Variants in L3MBTL2 observed in about 807,000 individuals in gnomAD.
The protein encoded by L3MBTL2 is lethal(3)malignant brain tumor-like protein 2.
Under a neutral mutation model 86.4 loss-of-function variants are expected in L3MBTL2, and 49 were observed. The ratio of observed to expected loss-of-function variants is 0.57; its 90% CI spans 0.45 to 0.72. The LOEUF is 0.72. L3MBTL2 is among the 30% of genes least tolerant of loss of function. L3MBTL2 has a pLI of 0.00. For missense variants in L3MBTL2, 755 were observed against 923.7 expected (o/e 0.82, Z 2.37); for synonymous variants, 336 against 350.6 (o/e 0.96, Z 0.47).
At position 41,217,154 on chromosome 22, in the gene L3MBTL2, C is replaced by A; in HGVS notation, c.552C>A (p.Phe184Leu). 6.2e-7 allele frequency: 1 copy of A among 1,613,942 alleles called. No individual in the cohort carries two copies. Among genetic ancestry groups the A allele is most frequent in the Non-Finnish European group, 8.5e-7 (1 of 1,179,976 alleles). ...TCTTGGGCTTCGACTGGGGGAAGTT[C>A]CTGAAGGATCACAGTTACAAGGCTG... ...ALVLGFDWGK[F>L]LKDHSYKAAP... The change falls in exon 5 of 17, where the codon TTC becomes TTA. Residue 184 changes from phenylalanine to leucine, a missense_variant. Coordinates refer to ENST00000216237, the MANE Select transcript of L3MBTL2 (RefSeq NM_031488.5).
intron 2 of L3MBTL2, 94 bp downstream of exon 2, chr22:41,210,027 G>A (rs1048704436): frequency 1.1e-5 from 16 of 1,484,254 alleles, no homozygotes; most frequent in African/African-American, 8.4e-5. Flanking sequence ...GAGCCATCCA[G>A]ATGTAAAAGG....
At chr22:41,210,104 G>A in intron 2 of L3MBTL2, 171 bp downstream of exon 2, 2 of 544,754 alleles carry the variant, frequency 3.7e-6, no homozygotes, top group East Asian at 7.4e-5. Flanking sequence ...AGCACCCCAA[G>A]TAGCCACTGT....
chr22:41,225,131 C>T lies in L3MBTL2; in HGVS notation c.1356+60C>T. 2.1e-6 allele frequency: 3 copies of T among 1,406,702 alleles called. No homozygotes were observed. The highest frequency in any genetic ancestry group is 3.0e-6 in the Non-Finnish European group (3 of 1,010,016). The allele number at this position is 1,406,702 out of a possible 1,614,324, so 87.1% of individuals were successfully genotyped here. A position where few individuals can be genotyped will look rare whatever the true frequency, so the allele number is the denominator to read the frequency against. On this transcript the variant is annotated intron_variant, in intron 11 of 16. Coordinates refer to ENST00000216237, the MANE Select transcript of L3MBTL2 (RefSeq NM_031488.5). This position sits in a 1 kb window ranked among gnomAD's most constrained non-coding sequence, Gnocchi z 4.1. ...TCTGAGCGGGGGGACCCATGTGGCCCAGAGCTCTAACCCCACTCGCCACCG... is the reference window on the plus strand; with the variant it reads ...TCTGAGCGGGGGGACCCATGTGGCCTAGAGCTCTAACCCCACTCGCCACCG...
At chr22:41,210,727 G>T (rs1232876828) in intron 2 of L3MBTL2, among the ~76,000 whole-genome samples, 1 of 152,198 alleles carries the variant, frequency 6.6e-6, no homozygotes, top group Non-Finnish European at 1.5e-5. Flanking sequence ...GCTTCCCAAA[G>T]TGCTGGGATT....
In L3MBTL2 at chr22:41,227,458, GAGCCCCGTCACCC is replaced by G; in HGVS notation, c.1822+142_1822+154del. 8.4e-7 allele frequency: 1 copy of G among 1,191,002 alleles called. No homozygotes were observed. The highest frequency in any genetic ancestry group is 1.5e-5 in the African/African-American group (1 of 66,152). The allele number at this position is 1,191,002 out of a possible 1,614,324, so 73.8% of individuals were successfully genotyped here. A position where few individuals can be genotyped will look rare whatever the true frequency, so the allele number is the denominator to read the frequency against. ...TCATGGACCACTTTAAGTAGAGAGT[GAGCCCCGTCACCC>G]AGCCCCTGCTCCTGACTTCTCTGTC... is the stretch of plus-strand genomic sequence containing the variant. On this transcript the variant is annotated intron_variant, in intron 14 of 16. Transcript: ENST00000216237. The surrounding 1 kb of genome is among the most constrained non-coding windows in gnomAD (Gnocchi z 6.0).
At chr22:41,209,602 T>G in intron 1 of L3MBTL2, 94 bp from the exon 2 acceptor site, 1 of 1,051,258 alleles carries the variant, frequency 9.5e-7, no homozygotes, top group Non-Finnish European at 1.4e-6. Flanking sequence ...TTCCCGAAAG[T>G]GTGAGGGGGC....
rs550912616 is a variant in L3MBTL2, at chr22:41,214,202, A to G, written c.396+176A>G. The G allele has an allele frequency of 1.1e-5, 7 of 614,434 alleles. No individual in the cohort carries two copies. The African/African-American group carries it at 1.3e-4, about 11-fold the overall frequency. 38.1% of individuals were successfully genotyped at this position (614,434 alleles called of 1,614,324 possible). A position where few individuals can be genotyped will look rare whatever the true frequency, so the allele number is the denominator to read the frequency against. ...AGAATCCATTTGTGGAGCTTTTTAA[A>G]TTATAGGTTCCTGAAGCTACGCTCC... On this transcript the variant is annotated intron_variant, in intron 3 of 16. Transcript: ENST00000216237.
At position 41,227,942 on chromosome 22, in the gene L3MBTL2, G is replaced by A. The variant is rs951882536; in HGVS notation, c.1888+73G>A. On this transcript the variant is annotated intron_variant, in intron 15 of 16. Transcript: ENST00000216237. The surrounding 1 kb of genome is among the most constrained non-coding windows in gnomAD (Gnocchi z 6.0). Reference sequence around the variant, plus strand: ...TGGGCCTGCGTCCCTGGGAGCAGGCGGGGGTCAGCCCCCAGGCACTGGTTC... The same window carrying A: ...TGGGCCTGCGTCCCTGGGAGCAGGCAGGGGTCAGCCCCCAGGCACTGGTTC... 14 of 1,569,990 alleles carry A rather than the reference G, an allele frequency of 8.9e-6. No homozygotes were observed. The highest frequency in any genetic ancestry group is 1.9e-5 in the Admixed American group (1 of 53,126).
At chr22:41,207,602 A>G (rs1386952908) in intron 1 of L3MBTL2, among the ~76,000 whole-genome samples, 1 of 152,188 alleles carries the variant, frequency 6.6e-6, no homozygotes, top group Non-Finnish European at 1.5e-5. Flanking sequence ...GACTTGCTGC[A>G]GGTCATACAG....
At chr22:41,206,339 G>C (rs1226563703) in intron 1 of L3MBTL2, among the ~76,000 whole-genome samples, 1 of 151,944 alleles carries the variant, frequency 6.6e-6, no homozygotes, top group Non-Finnish European at 1.5e-5. Context: ...GAGACGGGGT[G>C]TTCCTATGTT....
intron 2 of L3MBTL2, among the ~76,000 whole-genome samples, chr22:41,212,836 A>G (rs542912006): frequency 1.3e-5 from 2 of 151,202 alleles, no homozygotes; most frequent in Admixed American, 1.3e-4. Context: ...CGAAGGTTGC[A>G]ATGAGCCAAG....
chr22:41,218,130 G>A (rs1411133269), intron 5 of L3MBTL2: 2 of 152,264 alleles, frequency 1.3e-5, no homozygotes, highest in African/African-American at 4.8e-5. Flanking sequence ...TAGCGCAACT[G>A]TGTCCGGGTT....
intron 15 of L3MBTL2, among the ~76,000 whole-genome samples, chr22:41,229,193 G>C (rs1231863744): frequency 7.2e-5 from 11 of 152,196 alleles, no homozygotes; most frequent in Non-Finnish European, 5.9e-5. Flanking sequence ...GGAGGTCAAG[G>C]CTGCAGTGAA....
At chr22:41,222,614 GA>G (rs879533154) in intron 8 of L3MBTL2, among the ~76,000 whole-genome samples, 65 of 133,820 alleles carry the variant, frequency 4.9e-4, no homozygotes, top group East Asian at 8.6e-4. Context: ...TTCGTCTCTT[GA>G]AAAAAAAAAA....
rs895002987 is a variant in L3MBTL2 at position 41,221,495 on chromosome 22, C to T, written c.942+208C>T. 4.2e-5 allele frequency: 24 copies of T among 575,376 alleles called. 2 individuals carry two copies. Among genetic ancestry groups the T allele is most frequent in the Admixed American group, 4.0e-4 (14 of 35,256 alleles). The allele number at this position is 575,376 out of a possible 1,614,324, so 35.6% of individuals were successfully genotyped here. ...GGCGTCGGCCACTGCCCCACCCAGACTCTGCTCCTACTGCTCCAGTCATGC... is the reference window on the plus strand; with the variant it reads ...GGCGTCGGCCACTGCCCCACCCAGATTCTGCTCCTACTGCTCCAGTCATGC... On this transcript the variant is annotated intron_variant, in intron 8 of 16. Coordinates refer to ENST00000216237, the MANE Select transcript of L3MBTL2 (RefSeq NM_031488.5).
chr22:41,220,504 G>A (rs1008824699), intron 6 of L3MBTL2, among the ~76,000 whole-genome samples: 10 of 152,014 alleles, frequency 6.6e-5, no homozygotes, highest in East Asian at 1.9e-4. Context: ...TGGCTAACAC[G>A]GTGAAACCCC....
chr22:41,211,557 CTT>C (rs71200672), intron 2 of L3MBTL2, among the ~76,000 whole-genome samples: 2,024 of 97,330 alleles, frequency 0.021, 102 homozygotes, highest in African/African-American at 0.08. Flanking sequence ...ATCTTATTTC[CTT>C]TTTTTTTTTT....
At chr22:41,217,414 C>T in intron 5 of L3MBTL2, 1 of 553,866 alleles carries the variant, frequency 1.8e-6, no homozygotes, top group Non-Finnish European at 3.2e-6. Context: ...CACTCCCGGT[C>T]TGAAGCCCTT....
chr22:41,217,345 C>T, intron 5 of L3MBTL2, 143 bp downstream of exon 5: 1 of 624,950 alleles, frequency 1.6e-6, no homozygotes, highest in Non-Finnish European at 2.8e-6. Context: ...CCACTCGCTC[C>T]ATTTCATGTT....
Sources: gnomAD v4.1 joint callset for allele counts (sites outside exome capture counted in the v4.1 genomes callset) on GRCh38, gnomAD v4.1.1 for gene constraint, Gnocchi (gnomAD v3.1) non-coding constraint, MANE v1.5 for transcripts, NCBI Gene and HGNC (gene_info 2026-07-23, HGNC 2026-07-21) for gene names.